The following PYGL variants were observed in gnomAD, a reference collection of about 807,000 sequenced individuals.
PYGL encodes glycogen phosphorylase L.
PYGL carries 90 observed loss-of-function variants against 100.1 expected under a neutral mutation model. The observed-to-expected ratio is 0.90, with a 90% CI of 0.76 to 1.07. The LOEUF is 1.07. Among genes scored for constraint, PYGL ranks in the 50% least tolerant of loss-of-function variants. The pLI, the probability that PYGL is intolerant of heterozygous loss-of-function variation, is 0.00. For synonymous variants in PYGL, 373 were observed against 393.0 expected (o/e 0.95, Z 0.60); for missense variants, 1,016 against 1,057.6 (o/e 0.96, Z 0.55).
In PYGL at chr14:50,916,631, A is replaced by C. The variant is rs781337096; in HGVS notation, c.1092+11T>G. On this transcript the variant is annotated intron_variant, in intron 9 of 19. Transcript: ENST00000216392. ...GTTAATTAAAGGAAAAAGAAGCCAA[A>C]CTATCCAGACCTTGGACCAGGGCAG... 188 of 1,604,178 alleles carry C rather than the reference A, an allele frequency of 1.2e-4. No individual in the cohort carries two copies. The highest frequency in any genetic ancestry group is 1.6e-4 in the Non-Finnish European group (182 of 1,171,100).
chr14:50,944,154 C>G lies in PYGL; in HGVS notation c.243+7G>C, dbSNP rs370964259. The G allele has an allele frequency of 1.9e-6, 3 of 1,600,484 alleles. No homozygotes were observed. Among genetic ancestry groups the G allele is most frequent in the Non-Finnish European group, 2.5e-6 (3 of 1,177,524 alleles). ...GGACCCCGGCCCGCCGTCCCGCCCC[C>G]GGTTACCTTGGGGCACTTGTCGTAG... On this transcript the variant is annotated splice_region_variant and intron_variant, in intron 1 of 19. Transcript: ENST00000216392.
intron 11 of PYGL, chr14:50,915,053 T>A (rs2142795618): frequency 3.2e-6 from 2 of 618,410 alleles, no homozygotes; most frequent in Middle Eastern, 8.6e-4. Flanking sequence ...TTCTTCACAC[T>A]GACATATATA....
At chr14:50,913,306 T>G (rs2050416814) in intron 12 of PYGL, 176 bp from the exon 13 acceptor site, 1 of 515,330 alleles carries the variant, frequency 1.9e-6, no homozygotes, top group Non-Finnish European at 3.5e-6. Flanking sequence ...GAAGAACACT[T>G]TTGCTAGTAT....
At chr14:50,909,023 C>G in intron 17 of PYGL, 68 bp from the exon 18 acceptor site, 8 of 1,474,324 alleles carry the variant, frequency 5.4e-6, no homozygotes, top group South Asian at 1.1e-5. Context: ...TAACAACACA[C>G]TAGACACTGC....
chr14:50,916,497 G>A (rs2050450674), intron 9 of PYGL, 145 bp downstream of exon 9: 1 of 758,086 alleles, frequency 1.3e-6, no homozygotes, highest in South Asian at 1.6e-5. Flanking sequence ...GATGGAAAAT[G>A]TCAGCGTCAG....
chr14:50,913,013 C>T lies in PYGL; in HGVS notation c.1620+16G>A, dbSNP rs1340339839. Reference sequence around the variant, plus strand: ...CAGTGAGTGCCCAGGAGGGGACCCACACCTGGAAGGCTCACCTGCTTCACC... The same window carrying T: ...CAGTGAGTGCCCAGGAGGGGACCCATACCTGGAAGGCTCACCTGCTTCACC... On this transcript the variant is annotated intron_variant, in intron 13 of 19. Transcript: ENST00000216392. 2 of 1,613,050 alleles carry T rather than the reference C, an allele frequency of 1.2e-6. No individual in the cohort carries two copies. Among genetic ancestry groups the T allele is most frequent in the South Asian group, 2.2e-5 (2 of 91,056 alleles).
chr14:50,914,324 C>CCG (rs1380811887), intron 12 of PYGL, among the ~76,000 whole-genome samples: 39 of 152,194 alleles, frequency 2.6e-4, no homozygotes, highest in African/African-American at 8.2e-4. Flanking sequence ...TGGTAAAACC[C>CCG]TGTCTCTACT....
intron 1 of PYGL, among the ~76,000 whole-genome samples, chr14:50,938,085 G>A (rs540764027): frequency 1.3e-4 from 20 of 152,300 alleles, no homozygotes; most frequent in Non-Finnish European, 2.1e-4. Flanking sequence ...CTAAGTCACA[G>A]GATGAAATAG....
At chr14:50,923,666 A>G (rs2050520869) in intron 5 of PYGL, 1 of 302,510 alleles carries the variant, frequency 3.3e-6, no homozygotes, top group South Asian at 3.4e-5. Context: ...GCTGGTTACT[A>G]TAGAACTGAC....
chr14:50,943,806 C>T (rs917289109), intron 1 of PYGL, among the ~76,000 whole-genome samples: 1 of 152,240 alleles, frequency 6.6e-6, no homozygotes, highest in African/African-American at 2.4e-5. Context: ...AAGAGGCCCC[C>T]GTCACCTCTT....
At chr14:50,925,520 A>T (rs1187679934) in intron 4 of PYGL, among the ~76,000 whole-genome samples, 3 of 152,260 alleles carry the variant, frequency 2.0e-5, no homozygotes, top group Non-Finnish European at 4.4e-5. Context: ...TAAGAATTAC[A>T]ACACAATGTT....
chr14:50,916,370 A>G (rs1048078358), intron 9 of PYGL, among the ~76,000 whole-genome samples: 2 of 152,190 alleles, frequency 1.3e-5, no homozygotes, highest in Middle Eastern at 3.2e-3. Context: ...TTAATTTTTA[A>G]TCTTTTTCAA....
At chr14:50,913,871 A>G (rs2050421832) in intron 12 of PYGL, among the ~76,000 whole-genome samples, 1 of 151,802 alleles carries the variant, frequency 6.6e-6, no homozygotes, top group Non-Finnish European at 1.5e-5. Flanking sequence ...TTATTTTTGT[A>G]GAGACGGGTG....
chr14:50,944,342 C>T lies in PYGL; in HGVS notation c.62G>A (p.Gly21Asp), dbSNP rs1371512729. ...CTTCAGCTCTGCCACGTTCTCCACG[C>T]CCACGATGCCGCGGATGCTGATCTG... Reference protein sequence around the residue: ...RRQISIRGIVGVENVAELKKS... With the variant: ...RRQISIRGIVDVENVAELKKS... Residue 21 changes from glycine (G) to aspartate (D), a missense_variant, in exon 1 of 20, where the codon GGC becomes GAC. Transcript: ENST00000216392. 1.9e-6 allele frequency: 3 copies of T among 1,613,764 alleles called. No homozygotes were observed. Among genetic ancestry groups the T allele is most frequent in the Non-Finnish European group, 2.5e-6 (3 of 1,179,878 alleles).
intron 2 of PYGL, 72 bp from the exon 3 acceptor site, chr14:50,935,257 A>G (rs2050644437): frequency 8.2e-7 from 1 of 1,224,852 alleles, no homozygotes; most frequent in Admixed American, 1.7e-5. Flanking sequence ...GCCATTTCCT[A>G]CAGCTCTGGG....
chr14:50,933,042 T>G (rs997038787), intron 3 of PYGL, among the ~76,000 whole-genome samples: 1 of 152,162 alleles, frequency 6.6e-6, no homozygotes, highest in Non-Finnish European at 1.5e-5. Context: ...CAGATTATCT[T>G]TAGAGGGGGT....
In PYGL at chr14:50,935,205, A is replaced by C; in HGVS notation, c.346-20T>G. On this transcript the variant is annotated intron_variant, in intron 2 of 19. Coordinates refer to ENST00000216392, the MANE Select transcript of PYGL (RefSeq NM_002863.5). ...TCCAAGCTGGTAATGAAAGGAAAAC[A>C]ATATTGGAAGCAGATAAAAATTCAG... 6.3e-7 allele frequency: 1 copy of C among 1,583,464 alleles called. No individual in the cohort carries two copies. Among genetic ancestry groups the C allele is most frequent in the Non-Finnish European group, 8.7e-7 (1 of 1,152,298 alleles).
At chr14:50,910,252 C>A (rs1312539137) in intron 16 of PYGL, 150 bp from the exon 17 acceptor site, 1 of 825,684 alleles carries the variant, frequency 1.2e-6, no homozygotes, top group African/African-American at 1.7e-5. Context: ...AGGCAGATCA[C>A]ACTCTTTCCC....
chr14:50,915,305 C>G, intron 11 of PYGL, 31 bp downstream of exon 11: 1 of 1,611,384 alleles, frequency 6.2e-7, no homozygotes. Context: ...GGATCAGTGT[C>G]AGACCCACTG....
Sources: gnomAD v4.1 joint callset for allele counts (sites outside exome capture counted in the v4.1 genomes callset) on GRCh38, gnomAD v4.1.1 for gene constraint, MANE v1.5 for transcripts, NCBI Gene and HGNC (gene_info 2026-07-23, HGNC 2026-07-21) for gene names.